The following GLMN variants were observed in gnomAD, a reference collection of about 807,000 sequenced individuals.
GLMN encodes the protein glomulin.
Under a neutral mutation model 87.8 loss-of-function variants are expected in GLMN, and 75 were observed. That is an observed-to-expected ratio of 0.85 (90% CI 0.71 to 1.04). The LOEUF (loss-of-function observed/expected upper bound fraction) is 1.04, where lower values mean the gene tolerates loss of function less well. GLMN is among the 50% of genes least tolerant of loss of function. The pLI, the probability that GLMN is intolerant of heterozygous loss-of-function variation, is 0.00. For synonymous variants in GLMN, 206 were observed against 221.6 expected (o/e 0.93, Z 0.63); for missense variants, 588 against 658.8 (o/e 0.89, Z 1.18).
Position 92,247,147 on chromosome 1 carries a change from G to A in GLMN, c.1586-3C>T, listed in dbSNP as rs1652792291. The A allele has an allele frequency of 6.8e-7, 1 of 1,468,630 alleles. No homozygotes were observed. Among genetic ancestry groups the A allele is most frequent in the East Asian group, 2.3e-5 (1 of 44,190 alleles). The allele number at this position is 1,468,630 out of a possible 1,614,324, so 91.0% of individuals were successfully genotyped here. Reference sequence around the variant, plus strand: ...AAGATCTTTAGATTTCTGGGCCTCTGTAAGAGAAGAAAAATCATGTGTGAC... The same window carrying A: ...AAGATCTTTAGATTTCTGGGCCTCTATAAGAGAAGAAAAATCATGTGTGAC... On this transcript the variant is annotated splice_region_variant and splice_polypyrimidine_tract_variant and intron_variant, in intron 17 of 18. Transcript: ENST00000370360.
chr1:92,269,855 G>T, intron 8 of GLMN, 79 bp from the exon 9 acceptor site: 2 of 929,628 alleles, frequency 2.2e-6, no homozygotes, highest in Non-Finnish European at 3.5e-6. Flanking sequence ...GTTATGGGTT[G>T]AATTGTATCT....
the GLMN span, among the ~76,000 whole-genome samples, chr1:92,310,752 C>T: frequency 6.6e-6 from 1 of 152,012 alleles, no homozygotes; most frequent in Non-Finnish European, 1.5e-5. Context: ...TAAAAATTAG[C>T]CAGGAGTGCT....
chr1:92,261,606 T>C (rs949350068), intron 16 of GLMN, among the ~76,000 whole-genome samples: 3 of 152,272 alleles, frequency 2.0e-5, no homozygotes, highest in Non-Finnish European at 2.9e-5. Context: ...GGAAATGTTC[T>C]ATATTGATAT....
Position 92,289,032 on chromosome 1 carries a change from CAT to C in GLMN, c.512_513del (p.Tyr171TrpfsTer14). 2 of 1,607,814 alleles carry C rather than the reference CAT, an allele frequency of 1.2e-6. No homozygotes were observed. The highest frequency in any genetic ancestry group is 1.7e-6 in the Non-Finnish European group (2 of 1,174,330). ...AAGGCCTTGCAACACTGACAAAGGC[CAT>C]AGTCATCCATTTGTATTTGTTCTTT... ...YSKEQIQMDD[Y>X]GLCQCCKALI... On this transcript the variant is annotated frameshift_variant, in exon 6 of 19. Coordinates refer to ENST00000370360, the MANE Select transcript of GLMN (RefSeq NM_053274.3). LOFTEE classifies it high-confidence loss of function.
At chr1:92,331,254 G>A in the GLMN span, among the ~76,000 whole-genome samples, 1 of 152,046 alleles carries the variant, frequency 6.6e-6, no homozygotes, top group African/African-American at 2.4e-5. Flanking sequence ...TAACATTCTT[G>A]TATTAATGTG....
intron 7 of GLMN, among the ~76,000 whole-genome samples, chr1:92,278,814 G>A (rs1204861527): frequency 6.6e-6 from 1 of 152,074 alleles, no homozygotes; most frequent in African/African-American, 2.4e-5. Flanking sequence ...TGATTTAAAT[G>A]TACAACCAAA....
At chr1:92,358,104 G>T in the GLMN span, among the ~76,000 whole-genome samples, 1 of 152,142 alleles carries the variant, frequency 6.6e-6, no homozygotes, top group African/African-American at 2.4e-5. Context: ...GTCTTTCAGA[G>T]ATCTGGAGCC....
the GLMN span, among the ~76,000 whole-genome samples, chr1:92,340,792 C>G: frequency 6.6e-6 from 1 of 152,102 alleles, no homozygotes; most frequent in Admixed American, 6.5e-5. Context: ...AATCTGCTAT[C>G]TAGAATGTTA....
chr1:92,336,196 C>A, the GLMN span: 1 of 614,344 alleles, frequency 1.6e-6, no homozygotes. Context: ...CTTATGAGTT[C>A]TCACCAATCA....
chr1:92,314,251 G>A, the GLMN span, among the ~76,000 whole-genome samples: 1 of 151,960 alleles, frequency 6.6e-6, no homozygotes, highest in African/African-American at 2.4e-5. Flanking sequence ...TTGATTTAAA[G>A]TGAAAGAAAG....
chr1:92,347,033 T>G, the GLMN span, among the ~76,000 whole-genome samples: 1 of 152,164 alleles, frequency 6.6e-6, no homozygotes, highest in Non-Finnish European at 1.5e-5. Context: ...TATTCTGGCT[T>G]TACTGTCCCT....
At chr1:92,277,114 GC>G (rs1292487371) in intron 7 of GLMN, among the ~76,000 whole-genome samples, 1 of 151,960 alleles carries the variant, frequency 6.6e-6, no homozygotes, top group African/African-American at 2.4e-5. Context: ...TCTCAAATCT[GC>G]CCTTTCTTCA....
intron 12 of GLMN, 68 bp downstream of exon 12, chr1:92,266,632 A>T (rs1393682322): frequency 7.7e-7 from 1 of 1,293,384 alleles, no homozygotes; most frequent in East Asian, 2.4e-5. Flanking sequence ...TTTAAAAAGA[A>T]AATTAAATTA....
chr1:92,293,252 G>A (rs900070286), intron 3 of GLMN, among the ~76,000 whole-genome samples: 1 of 152,034 alleles, frequency 6.6e-6, no homozygotes, highest in African/African-American at 2.4e-5. Flanking sequence ...AACTACAATG[G>A]GATATCATCT....
At chr1:92,279,508 C>A (rs1181434581) in intron 7 of GLMN, among the ~76,000 whole-genome samples, 1 of 143,784 alleles carries the variant, frequency 7.0e-6, no homozygotes, top group Non-Finnish European at 1.5e-5. Context: ...CAAATAGGAA[C>A]AGCTCAGGTC....
the GLMN span, among the ~76,000 whole-genome samples, chr1:92,351,341 A>G: frequency 6.6e-6 from 1 of 151,332 alleles, no homozygotes; most frequent in South Asian, 2.1e-4. Context: ...AAGGACCATA[A>G]TGAATTGCAT....
At chr1:92,314,421 A>G in the GLMN span, among the ~76,000 whole-genome samples, 1 of 151,092 alleles carries the variant, frequency 6.6e-6, no homozygotes, top group Non-Finnish European at 1.5e-5. Flanking sequence ...CATTTTTAAC[A>G]TCTGTGCAAT....
upstream of GLMN, among the ~76,000 whole-genome samples, chr1:92,300,813 A>G (rs556348649): frequency 2.0e-5 from 3 of 152,364 alleles, no homozygotes; most frequent in South Asian, 6.2e-4. Context: ...ATTGAGTATA[A>G]GATATGTCGG....
chr1:92,279,537 C>T (rs560112676), intron 7 of GLMN, among the ~76,000 whole-genome samples: 25 of 151,172 alleles, frequency 1.7e-4, no homozygotes, highest in African/African-American at 5.8e-4. Flanking sequence ...CCAGCGAGAT[C>T]GACGCAGAAG....
Sources: gnomAD v4.1 joint callset for allele counts (sites outside exome capture counted in the v4.1 genomes callset) on GRCh38, gnomAD v4.1.1 for gene constraint, MANE v1.5 for transcripts, NCBI Gene and HGNC (gene_info 2026-07-23, HGNC 2026-07-21) for gene names.